SLIT3: variants seen among roughly 807,000 people sequenced by gnomAD.
SLIT3 encodes slit guidance ligand 3.
Under a neutral mutation model 184.0 loss-of-function variants are expected in SLIT3, and 68 were observed. The ratio of observed to expected loss-of-function variants is 0.37; its 90% CI spans 0.30 to 0.45. SLIT3 has a LOEUF of 0.45. Among genes scored for constraint, SLIT3 ranks in the 20% least tolerant of loss-of-function variants. The pLI, the probability that SLIT3 is intolerant of heterozygous loss-of-function variation, is 1.00. For synonymous variants in SLIT3, 831 were observed against 828.6 expected, an observed-to-expected ratio of 1.00 and a Z score of -0.05; for missense variants, 1,707 against 2,026.0, an observed-to-expected ratio of 0.84 and a Z score of 3.02.
intron 4 of SLIT3, among the ~76,000 whole-genome samples, chr5:168,984,265 G>C (rs892865226): frequency 3.3e-5 from 5 of 152,086 alleles, no homozygotes; most frequent in African/African-American, 1.2e-4. Context: ...ACGGGTAGGG[G>C]CAAGAACTCA....
intron 4 of SLIT3, among the ~76,000 whole-genome samples, chr5:169,186,451 G>C (rs919119352): frequency 6.6e-6 from 1 of 152,218 alleles, no homozygotes. Context: ...AAGCCACTCG[G>C]TGTGTGGTAT....
At chr5:169,250,046 A>G (rs544308268) in intron 2 of SLIT3, among the ~76,000 whole-genome samples, 1 of 152,334 alleles carries the variant, frequency 6.6e-6, no homozygotes, top group East Asian at 1.9e-4. Context: ...TTAGCTTTCT[A>G]TAATGTGAAT....
intron 15 of SLIT3, among the ~76,000 whole-genome samples, chr5:168,762,090 C>CT (rs11445648): frequency 0.097 from 14,397 of 148,312 alleles, 747 homozygotes; most frequent in African/African-American, 0.11. Flanking sequence ...TTTTTTAGCT[C>CT]TTTTTTTTTT....
At chr5:169,274,728 G>A (rs1766743078) in intron 1 of SLIT3, among the ~76,000 whole-genome samples, 1 of 152,180 alleles carries the variant, frequency 6.6e-6, no homozygotes, top group East Asian at 1.9e-4. Context: ...CTTGACACTG[G>A]CATCTTCCTG....
chr5:169,221,243 C>A (rs991776625), intron 3 of SLIT3, among the ~76,000 whole-genome samples: 2 of 152,198 alleles, frequency 1.3e-5, no homozygotes, highest in African/African-American at 4.8e-5. Flanking sequence ...GAAATCCTGG[C>A]TCACACCAAC....
chr5:168,833,465 T>G (rs1230679804), intron 6 of SLIT3, among the ~76,000 whole-genome samples: 3 of 152,168 alleles, frequency 2.0e-5, no homozygotes, highest in Non-Finnish European at 2.9e-5. Flanking sequence ...CAGGGATCAA[T>G]GATGTGGAAT....
At chr5:169,176,088 G>T (rs1762975125) in intron 4 of SLIT3, among the ~76,000 whole-genome samples, 1 of 152,144 alleles carries the variant, frequency 6.6e-6, no homozygotes, top group Non-Finnish European at 1.5e-5. Context: ...TTCTGGGCCT[G>T]CTCCACCACC....
chr5:169,083,159 C>A (rs1561652263), intron 4 of SLIT3, among the ~76,000 whole-genome samples: 1 of 152,174 alleles, frequency 6.6e-6, no homozygotes, highest in Non-Finnish European at 1.5e-5. Context: ...GGTCTCAAAC[C>A]AAACTAATTT....
intron 23 of SLIT3, among the ~76,000 whole-genome samples, chr5:168,721,239 G>T (rs1412310559): frequency 2.0e-5 from 3 of 152,194 alleles, no homozygotes; most frequent in Admixed American, 2.0e-4. Context: ...TCAAAGGAAT[G>T]TGCTAATAAA....
At chr5:169,102,196 G>C (rs1760044668) in intron 4 of SLIT3, among the ~76,000 whole-genome samples, 1 of 152,200 alleles carries the variant, frequency 6.6e-6, no homozygotes, top group South Asian at 2.1e-4. Flanking sequence ...CATGTGTGTT[G>C]GGGTGGGGAT....
chr5:169,096,906 A>G (rs919501563), intron 4 of SLIT3, among the ~76,000 whole-genome samples: 34 of 152,366 alleles, frequency 2.2e-4, no homozygotes, highest in African/African-American at 7.9e-4. Context: ...TTTAACCACT[A>G]TATTACAATG....
chr5:168,687,228 A>G (rs540559703), intron 29 of SLIT3, 112 bp from the exon 30 acceptor site: 39 of 1,257,758 alleles, frequency 3.1e-5, no homozygotes, highest in Non-Finnish European at 4.4e-5. Flanking sequence ...TATCTACCCA[A>G]GTTCCTTTGG....
chr5:168,837,519 C>G (rs934293212), intron 6 of SLIT3, among the ~76,000 whole-genome samples: 1 of 152,198 alleles, frequency 6.6e-6, no homozygotes, highest in East Asian at 1.9e-4. Flanking sequence ...TAAAATACTA[C>G]GTTGTTCAAC....
intron 4 of SLIT3, among the ~76,000 whole-genome samples, chr5:168,972,967 G>A (rs1754630583): frequency 6.6e-6 from 1 of 152,198 alleles, no homozygotes; most frequent in African/African-American, 2.4e-5. Context: ...GGTAAAAGCA[G>A]AGATGAAGTG....
intron 32 of SLIT3, among the ~76,000 whole-genome samples, chr5:168,678,108 G>T (rs1761469254): frequency 6.6e-6 from 1 of 152,208 alleles, no homozygotes; most frequent in African/African-American, 2.4e-5. Flanking sequence ...AGTCAGGATT[G>T]CTTCCAAATC....
chr5:168,869,900 T>C (rs973099762), intron 5 of SLIT3, among the ~76,000 whole-genome samples: 20 of 152,210 alleles, frequency 1.3e-4, no homozygotes, highest in Non-Finnish European at 1.5e-5. Context: ...GAGAGAACTT[T>C]AAAGGAGAAT....
intron 25 of SLIT3, among the ~76,000 whole-genome samples, chr5:168,709,397 C>T (rs1312084564): frequency 1.3e-5 from 2 of 152,160 alleles, no homozygotes; most frequent in African/African-American, 4.8e-5. Context: ...TGCCCGGACC[C>T]TGGCTGCAGT....
intron 20 of SLIT3, among the ~76,000 whole-genome samples, chr5:168,747,816 G>T (rs1754539394): frequency 6.6e-6 from 1 of 152,042 alleles, no homozygotes; most frequent in Admixed American, 6.6e-5. Flanking sequence ...TGTAAAATGG[G>T]GCCGCATGCT....
At chr5:168,700,509 G>A (rs549946262) in intron 27 of SLIT3, 73 bp downstream of exon 27, 1 of 1,056,786 alleles carries the variant, frequency 9.5e-7, no homozygotes, top group East Asian at 2.4e-5. Flanking sequence ...AAATTACCCA[G>A]TCTTGGGTAT....
Sources: gnomAD v4.1 joint callset for allele counts (sites outside exome capture counted in the v4.1 genomes callset) on GRCh38, gnomAD v4.1.1 for gene constraint, MANE v1.5 for transcripts, NCBI Gene and HGNC (gene_info 2026-07-23, HGNC 2026-07-21) for gene names.